UGGT2: variants seen among roughly 807,000 people sequenced by gnomAD.
The protein encoded by UGGT2 is UDP-glucose glycoprotein glucosyltransferase 2, also known as UDP-glucose:glycoprotein glucosyltransferase 2.
Under a neutral mutation model 192.1 loss-of-function variants are expected in UGGT2, and 180 were observed. That is an observed-to-expected ratio of 0.94 (90% CI 0.83 to 1.06). The LOEUF (loss-of-function observed/expected upper bound fraction) is 1.06, where lower values mean the gene tolerates loss of function less well. UGGT2 is among the 50% of genes least tolerant of loss of function. UGGT2 has a pLI of 0.00. For missense variants in UGGT2, 1,849 were observed against 1,795.7 expected (o/e 1.03, Z -0.54); for synonymous variants, 580 against 591.0 (o/e 0.98, Z 0.27).
intron 12 of UGGT2, among the ~76,000 whole-genome samples, chr13:95,963,878 A>G (rs1323273552): frequency 6.6e-6 from 1 of 152,188 alleles, no homozygotes; most frequent in African/African-American, 2.4e-5. Context: ...ATGGAAAAAC[A>G]TCCCATGCTC....
At chr13:95,897,772 A>G (rs2047988449) in intron 22 of UGGT2, among the ~76,000 whole-genome samples, 1 of 152,214 alleles carries the variant, frequency 6.6e-6, no homozygotes, top group African/African-American at 2.4e-5. Flanking sequence ...TATACAAATA[A>G]AAGGATAATT....
intron 38 of UGGT2, among the ~76,000 whole-genome samples, chr13:95,806,716 G>A (rs1442072691): frequency 2.0e-5 from 3 of 152,086 alleles, no homozygotes; most frequent in East Asian, 3.9e-4. Context: ...GGAATAGAGA[G>A]CCCAGAAATA....
intron 38 of UGGT2, among the ~76,000 whole-genome samples, chr13:95,829,297 A>G (rs1369568787): frequency 6.6e-6 from 1 of 152,324 alleles, no homozygotes; most frequent in East Asian, 1.9e-4. Flanking sequence ...CCTATTCAAC[A>G]TAGTGTTGGA....
In UGGT2 at chr13:96,023,109, A is replaced by G. The variant is rs768954252; in HGVS notation, c.416T>C (p.Val139Ala). Residue 139 changes from valine to alanine, a missense_variant, in exon 4 of 39, where the codon GTG (valine) becomes GCG (alanine). Val to Ala is a moderately conservative substitution (Grantham distance 64). Transcript: ENST00000376747. ...ACAGGTGTGCTTCTTATGAATAACC[A>G]CAAATGCATTACAACCATCTGGTGG... ...EPPPDGCNAF[V>A]VIHKKHTCKI... is the part of the protein sequence containing the mutation. 3 of 1,597,168 alleles carry G rather than the reference A, an allele frequency of 1.9e-6. No individual in the cohort carries two copies. The highest frequency in any genetic ancestry group is 2.7e-5 in the African/African-American group (2 of 74,522).
chr13:95,948,362 A>G (rs2049951042), intron 13 of UGGT2, among the ~76,000 whole-genome samples: 1 of 152,088 alleles, frequency 6.6e-6, no homozygotes, highest in Non-Finnish European at 1.5e-5. Flanking sequence ...GAAGCCCAGT[A>G]TATTTTATTT....
intron 30 of UGGT2, among the ~76,000 whole-genome samples, chr13:95,866,930 C>T (rs891721019): frequency 2.0e-5 from 3 of 151,870 alleles, no homozygotes; most frequent in Non-Finnish European, 2.9e-5. Flanking sequence ...AATATTTTCA[C>T]TAGTTTTAAG....
chr13:96,000,786 T>C (rs2051774517), intron 5 of UGGT2, among the ~76,000 whole-genome samples: 1 of 152,178 alleles, frequency 6.6e-6, no homozygotes, highest in African/African-American at 2.4e-5. Context: ...TGGAAGTGTG[T>C]TGATATAAAA....
chr13:95,947,835 T>C (rs1480733827), intron 14 of UGGT2, among the ~76,000 whole-genome samples, 161 bp downstream of exon 14: 1 of 152,186 alleles, frequency 6.6e-6, no homozygotes. Flanking sequence ...AAACAGAGTC[T>C]AACATAAAGG....
intron 15 of UGGT2, among the ~76,000 whole-genome samples, chr13:95,940,338 A>G (rs1005191918): frequency 6.6e-6 from 1 of 151,890 alleles, no homozygotes; most frequent in African/African-American, 2.4e-5. Flanking sequence ...GAAACCAGAC[A>G]CCATTATTCT....
chr13:95,963,348 T>C (rs1566763525), intron 12 of UGGT2, among the ~76,000 whole-genome samples: 1 of 152,026 alleles, frequency 6.6e-6, no homozygotes, highest in Admixed American at 6.6e-5. Context: ...AAATTCAACA[T>C]TCATTCATGA....
At chr13:95,973,151 C>A (rs1024006199) in intron 10 of UGGT2, among the ~76,000 whole-genome samples, 7 of 152,024 alleles carry the variant, frequency 4.6e-5, no homozygotes, top group Middle Eastern at 3.4e-3. Flanking sequence ...GCCTGGGCAA[C>A]AAGAACGAAA....
intron 1 of UGGT2, among the ~76,000 whole-genome samples, chr13:96,050,815 TAA>T (rs889191614): frequency 2.6e-5 from 4 of 152,092 alleles, no homozygotes; most frequent in Non-Finnish European, 4.4e-5. Flanking sequence ...GGGCGATCAT[TAA>T]AAAGTCAGGA....
intron 5 of UGGT2, among the ~76,000 whole-genome samples, chr13:96,008,318 A>C (rs2052046396): frequency 6.6e-6 from 1 of 152,198 alleles, no homozygotes; most frequent in South Asian, 2.1e-4. Flanking sequence ...AGAATACATA[A>C]GGAACTTAAA....
intron 36 of UGGT2, among the ~76,000 whole-genome samples, chr13:95,850,704 C>T (rs1888953942): frequency 6.6e-6 from 1 of 152,174 alleles, no homozygotes; most frequent in Admixed American, 6.5e-5. Context: ...TTTGCAAAGA[C>T]CAATCAGCTG....
rs183327086 is a variant in UGGT2, at chr13:95,812,104, G to C, written c.4529-10292C>G. 1.9e-3 allele frequency among the ~76,000 whole-genome samples: 293 copies of C among 152,256 alleles called. 3 individuals carry two copies. Among genetic ancestry groups the C allele is most frequent in the East Asian group, 5.8e-4 (3 of 5,188 alleles). On this transcript the variant is annotated intron_variant, in intron 38 of 38. Coordinates refer to ENST00000376747, the MANE Select transcript of UGGT2 (RefSeq NM_020121.4). The stretch of plus-strand genomic sequence containing the variant: ...ATAAATATTTTTAGTTGTGGACTGT[G>C]TAATCTCCACCAAAACTATGCAACT...
At position 95,986,401 on chromosome 13, in the gene UGGT2, C is replaced by T; in HGVS notation, c.963G>A (p.Met321Ile). Residue 321 changes from methionine to isoleucine, a missense_variant, in exon 9 of 39, where the codon ATG becomes ATA. Coordinates refer to ENST00000376747, the MANE Select transcript of UGGT2 (RefSeq NM_020121.4). ...DLSFQAASQIMSAPVYDSIKL... is the reference protein window; with the variant it reads ...DLSFQAASQIISAPVYDSIKL... Reference sequence around the variant, plus strand: ...TAATGGAATCATAAACTGGAGCGGACATTATTTGAGAAGCTGCTTGAAAAC... The same window carrying T: ...TAATGGAATCATAAACTGGAGCGGATATTATTTGAGAAGCTGCTTGAAAAC... 1 of 1,601,464 alleles carries T rather than the reference C, an allele frequency of 6.2e-7. No individual in the cohort carries two copies. The highest frequency in any genetic ancestry group is 2.2e-5 in the East Asian group (1 of 44,466).
chr13:95,936,216 T>A (rs2049458229), intron 17 of UGGT2, among the ~76,000 whole-genome samples: 1 of 152,212 alleles, frequency 6.6e-6, no homozygotes, highest in African/African-American at 2.4e-5. Context: ...CTTGGTCCAG[T>A]CTATTGATAA....
At chr13:95,877,132 T>A in intron 29 of UGGT2, 147 bp downstream of exon 29, 1 of 563,492 alleles carries the variant, frequency 1.8e-6, no homozygotes, top group East Asian at 3.2e-5. Context: ...TCTGCCTGCC[T>A]CGGCCTACCA....
intron 17 of UGGT2, among the ~76,000 whole-genome samples, chr13:95,928,517 G>C (rs2049122458): frequency 6.6e-6 from 1 of 152,094 alleles, no homozygotes; most frequent in South Asian, 2.1e-4. Flanking sequence ...CTCTCAGACG[G>C]GGTGGTGGCG....
Sources: allele counts gnomAD v4.1 joint callset (sites outside exome capture counted in the v4.1 genomes callset), GRCh38; gene constraint gnomAD v4.1.1; transcripts MANE v1.5; gene names NCBI Gene and HGNC (gene_info 2026-07-23, HGNC 2026-07-21).